KIAA1328: variants seen among roughly 807,000 people sequenced by gnomAD.
KIAA1328 encodes the protein protein hinderin.
In KIAA1328, 52 loss-of-function variants were observed where a neutral mutation model predicts 68.1. That is an observed-to-expected ratio of 0.76 (90% CI 0.61 to 0.96). KIAA1328 has a LOEUF of 0.96. Ranked by LOEUF, KIAA1328 falls within the 40% of genes least tolerant of loss-of-function variation. KIAA1328 has a pLI of 0.00. For synonymous variants in KIAA1328, 232 were observed against 239.4 expected (o/e 0.97, Z 0.28); for missense variants, 641 against 677.6 (o/e 0.95, Z 0.60).
chr18:36,874,192 G>T (rs1244954584), intron 4 of KIAA1328, among the ~76,000 whole-genome samples: 5 of 152,064 alleles, frequency 3.3e-5, no homozygotes, highest in African/African-American at 9.7e-5. Context: ...TTATCCTTTG[G>T]GTATATACCC....
At chr18:37,169,667 G>A (rs1210546006) in intron 8 of KIAA1328, among the ~76,000 whole-genome samples, 8 of 152,086 alleles carry the variant, frequency 5.3e-5, no homozygotes, top group East Asian at 1.9e-4. Flanking sequence ...TTCTGGAAAC[G>A]CAATAAGGAA....
chr18:36,952,128 A>G (rs1363130500), intron 5 of KIAA1328, among the ~76,000 whole-genome samples: 3 of 152,156 alleles, frequency 2.0e-5, no homozygotes, highest in Non-Finnish European at 2.9e-5. Context: ...CTTAATGTAC[A>G]TATTGATCAT....
At position 36,917,390 on chromosome 18, in the gene KIAA1328, A is replaced by T. The variant is rs561279397; in HGVS notation, c.448+31718A>T. 9.2e-5 allele frequency among the ~76,000 whole-genome samples: 14 copies of T among 151,572 alleles called. No homozygotes were observed. The South Asian group carries it at 1.0e-3, about 11-fold the overall frequency. ...GTGCCACCACACCCAGCTACTTAAA[A>T]TTTTTTTTCTTTTTAGAGATGGGGT... On this transcript the variant is annotated intron_variant, in intron 5 of 9. Transcript: ENST00000280020.
chr18:36,895,646 C>T (rs1598635047), intron 5 of KIAA1328: 7 of 403,284 alleles, frequency 1.7e-5, no homozygotes, highest in South Asian at 3.8e-5. Context: ...TAGCAAGGTT[C>T]GTTTGCTTAT....
intron 4 of KIAA1328, among the ~76,000 whole-genome samples, chr18:36,856,943 A>G (rs774772639): frequency 2.6e-5 from 4 of 152,128 alleles, no homozygotes; most frequent in Non-Finnish European, 4.4e-5. Context: ...TGTTATTTCA[A>G]TGTCAGCCAG....
chr18:36,888,971 G>T (rs1438784029), intron 5 of KIAA1328, among the ~76,000 whole-genome samples: 1 of 152,084 alleles, frequency 6.6e-6, no homozygotes, highest in Admixed American at 6.6e-5. Flanking sequence ...CATTTATGGG[G>T]TTTTTGTTTT....
At position 36,921,453 on chromosome 18, in the gene KIAA1328, G is replaced by T. The variant is rs920887567; in HGVS notation, c.448+35781G>T. Among the ~76,000 whole-genome samples the T allele has an allele frequency of 2.6e-5, 4 of 152,024 alleles. No individual in the cohort carries two copies. The South Asian group carries it at 8.3e-4, about 32-fold the overall frequency. ...GAGTCTCGCTTTGTCACCCAGGCTG[G>T]AATGCAGTGGCGTCATATCGGCTCA... On this transcript the variant is annotated intron_variant, in intron 5 of 9. Transcript: ENST00000280020.
intron 5 of KIAA1328, among the ~76,000 whole-genome samples, chr18:36,931,255 C>T (rs1003271116): frequency 6.6e-6 from 1 of 152,092 alleles, no homozygotes; most frequent in African/African-American, 2.4e-5. Context: ...GGTTAGTGAC[C>T]TGTTAGGAAC....
At chr18:37,020,067 G>A (rs770213489) in intron 6 of KIAA1328, among the ~76,000 whole-genome samples, 1 of 152,204 alleles carries the variant, frequency 6.6e-6, no homozygotes, top group Non-Finnish European at 1.5e-5. Flanking sequence ...CTGCACAGGT[G>A]GGGTGGGGTG....
At chr18:37,030,660 G>A (rs1449885906) in intron 6 of KIAA1328, among the ~76,000 whole-genome samples, 1 of 151,950 alleles carries the variant, frequency 6.6e-6, no homozygotes, top group Non-Finnish European at 1.5e-5. Context: ...TTTATCAGTA[G>A]GGTCAATATT....
chr18:37,165,846 G>A (rs574590262), intron 8 of KIAA1328, among the ~76,000 whole-genome samples: 2 of 152,052 alleles, frequency 1.3e-5, no homozygotes, highest in South Asian at 4.2e-4. Flanking sequence ...CCGCGCCAGG[G>A]CAGATGGAGG....
intron 6 of KIAA1328, among the ~76,000 whole-genome samples, chr18:37,034,871 C>G (rs1244598616): frequency 6.6e-6 from 1 of 152,020 alleles, no homozygotes; most frequent in African/African-American, 2.4e-5. Flanking sequence ...TGGTACTGTG[C>G]AGGACTAAAG....
At chr18:36,877,904 C>T (rs1023547211) in intron 4 of KIAA1328, among the ~76,000 whole-genome samples, 16 of 151,758 alleles carry the variant, frequency 1.1e-4, no homozygotes, top group Non-Finnish European at 7.4e-5. Context: ...CCTGACCTTG[C>T]GATCCACCCA....
At chr18:36,993,072 C>G (rs1419744499) in intron 6 of KIAA1328, among the ~76,000 whole-genome samples, 1 of 152,100 alleles carries the variant, frequency 6.6e-6, no homozygotes, top group Non-Finnish European at 1.5e-5. Flanking sequence ...TAACACTGCA[C>G]TTCAACCTGG....
chr18:36,989,468 C>G (rs1158862396), intron 6 of KIAA1328, among the ~76,000 whole-genome samples: 1 of 152,154 alleles, frequency 6.6e-6, no homozygotes, highest in Non-Finnish European at 1.5e-5. Context: ...GAGGTGAATG[C>G]AGAGGAAGTA....
intron 6 of KIAA1328, among the ~76,000 whole-genome samples, chr18:37,029,047 C>T (rs2054712673): frequency 6.6e-6 from 1 of 152,034 alleles, no homozygotes; most frequent in South Asian, 2.1e-4. Flanking sequence ...GAGTTAGGGT[C>T]AAAGTCCCTC....
intron 4 of KIAA1328, among the ~76,000 whole-genome samples, chr18:36,866,841 A>G (rs528574537): frequency 1.3e-5 from 2 of 152,338 alleles, no homozygotes; most frequent in East Asian, 3.9e-4. Flanking sequence ...GAAAAATGTC[A>G]GAAGATTTAG....
intron 6 of KIAA1328, among the ~76,000 whole-genome samples, chr18:37,035,024 G>A (rs2054972574): frequency 6.6e-6 from 1 of 152,066 alleles, no homozygotes; most frequent in Admixed American, 6.6e-5. Context: ...ATTGACAGAG[G>A]GTATTTACTT....
At chr18:36,910,947 C>A (rs2049422395) in intron 5 of KIAA1328, among the ~76,000 whole-genome samples, 1 of 152,032 alleles carries the variant, frequency 6.6e-6, no homozygotes, top group African/African-American at 2.4e-5. Flanking sequence ...CACCTCCTAG[C>A]TGCCCACTGT....
Sources: gnomAD v4.1 joint callset for allele counts (sites outside exome capture counted in the v4.1 genomes callset) on GRCh38, gnomAD v4.1.1 for gene constraint, MANE v1.5 for transcripts, NCBI Gene and HGNC (gene_info 2026-07-23, HGNC 2026-07-21) for gene names.